The following COBL variants were observed in gnomAD, a reference collection of about 807,000 sequenced individuals.
The protein encoded by COBL is cordon-bleu WH2 repeat protein.
A neutral mutation model predicts 98.8 loss-of-function variants in COBL; 51 were observed. That is an observed-to-expected ratio of 0.52 (90% confidence interval 0.41 to 0.65). COBL has a LOEUF of 0.65. Ranked by LOEUF, COBL falls within the 30% of genes least tolerant of loss-of-function variation. The probability of loss-of-function intolerance (pLI) is 0.00; values close to 1 mark genes in which losing one functional copy is unlikely to be tolerated. For missense variants in COBL, 1,617 were observed against 1,617.5 expected, an observed-to-expected ratio of 1.00 and a Z score of 0.01; for synonymous variants, 634 against 651.7, an observed-to-expected ratio of 0.97 and a Z score of 0.41.
chr7:51,026,414 C>A, intron 11 of COBL, 132 bp downstream of exon 11: 7 of 1,239,738 alleles, frequency 5.6e-6, no homozygotes, highest in Non-Finnish European at 7.7e-6. Flanking sequence ...GCTGGGATGG[C>A]CACTCTAAAG....
intron 6 of COBL, among the ~76,000 whole-genome samples, chr7:51,099,451 G>C (rs1481056151): frequency 6.6e-6 from 1 of 152,196 alleles, no homozygotes; most frequent in Non-Finnish European, 1.5e-5. Flanking sequence ...CTGTAACTTA[G>C]AGAAACTTTG....
At chr7:51,026,705 G>T in intron 10 of COBL, 40 bp from the exon 11 acceptor site, 1 of 1,599,862 alleles carries the variant, frequency 6.3e-7, no homozygotes. Context: ...CTGAGAACAT[G>T]GAGAAATGTG....
intron 1 of COBL, among the ~76,000 whole-genome samples, chr7:51,245,334 T>C (rs1157224056): frequency 1.3e-5 from 2 of 152,222 alleles, no homozygotes; most frequent in Non-Finnish European, 2.9e-5. Flanking sequence ...CATCTTCACT[T>C]TCTCCTCATC....
In COBL at chr7:51,033,536, T is replaced by C. The variant is rs1212578493; in HGVS notation, c.1407-2627A>G. 6 of 152,376 alleles carry C rather than the reference T, an allele frequency of 3.9e-5. No individual in the cohort carries two copies. The East Asian group carries it at 1.2e-3, about 29-fold the overall frequency. The allele number at this position is 152,376 out of a possible 1,614,324, so 9.4% of individuals were successfully genotyped here. A position where few individuals can be genotyped will look rare whatever the true frequency, so the allele number is the denominator to read the frequency against. ...AGCACACACATATATAGAAACACTGTGATGATTTAAAAATAGCAAATACCT... is the reference window on the plus strand; with the variant it reads ...AGCACACACATATATAGAAACACTGCGATGATTTAAAAATAGCAAATACCT... On this transcript the variant is annotated intron_variant, in intron 8 of 12. Transcript: ENST00000265136.
At chr7:51,192,202 G>A (rs1369686627) in intron 3 of COBL, among the ~76,000 whole-genome samples, 1 of 152,236 alleles carries the variant, frequency 6.6e-6, no homozygotes, top group Non-Finnish European at 1.5e-5. Context: ...GGAGATTAAT[G>A]TTGGCTGCAT....
chr7:51,028,950 C>CT lies in COBL; in HGVS notation c.2145dup (p.Glu716ArgfsTer17). ...ACATCTCTGTCGTAACATCGCATCT[C>CT]TGACTTTGGAGGAATGATTTTATAC... On this transcript the variant is annotated frameshift_variant, in exon 10 of 13. Coordinates refer to ENST00000265136, the MANE Select transcript of COBL (RefSeq NM_015198.5). LOFTEE classifies it high-confidence loss of function. The CT allele has an allele frequency of 6.2e-7, 1 of 1,614,194 alleles. No homozygotes were observed. Among genetic ancestry groups the CT allele is most frequent in the Non-Finnish European group, 8.5e-7 (1 of 1,180,054 alleles).
intron 1 of COBL, among the ~76,000 whole-genome samples, chr7:51,302,828 T>A (rs4948215): frequency 0.045 from 6,778 of 152,192 alleles, 322 homozygotes; most frequent in African/African-American, 0.11. Context: ...TGATAATAAA[T>A]TACCATTTTT....
At chr7:51,159,606 T>TTCAAA (rs1786575074) in intron 5 of COBL, among the ~76,000 whole-genome samples, 1 of 152,300 alleles carries the variant, frequency 6.6e-6, no homozygotes, top group East Asian at 1.9e-4. Context: ...TAGGGGAACA[T>TTCAAA]ACGGAAAACC....
chr7:51,089,900 G>A (rs1240844369), intron 6 of COBL, among the ~76,000 whole-genome samples: 1 of 151,232 alleles, frequency 6.6e-6, no homozygotes, highest in African/African-American at 2.4e-5. Context: ...ATTTTTTAAT[G>A]GCTGCCTAGT....
At chr7:51,284,958 T>C (rs1464395014) in intron 1 of COBL, among the ~76,000 whole-genome samples, 3 of 151,820 alleles carry the variant, frequency 2.0e-5, no homozygotes, top group African/African-American at 7.2e-5. Flanking sequence ...ACTTTTTTTT[T>C]TTTTTTTGAG....
At chr7:51,067,505 G>A (rs557700874) in intron 7 of COBL, among the ~76,000 whole-genome samples, 23 of 152,336 alleles carry the variant, frequency 1.5e-4, no homozygotes, top group Admixed American at 1.2e-3. Flanking sequence ...AGATATGCAT[G>A]CACCATGGGT....
intron 1 of COBL, among the ~76,000 whole-genome samples, chr7:51,231,356 G>A (rs1158087004): frequency 6.6e-6 from 1 of 152,170 alleles, no homozygotes; most frequent in Non-Finnish European, 1.5e-5. Flanking sequence ...TGGCCAGCAG[G>A]TCTGTCTAGT....
chr7:51,017,077 T>C lies in COBL; in HGVS notation c.*474A>G, dbSNP rs1786349396. ...CTTACTACCAAAACACACAGCATCA[T>C]GGAGCATATCACATTCAGATTGTTC... On this transcript the variant is annotated 3_prime_UTR_variant, in exon 13 of 13. Transcript: ENST00000265136. 2.4e-6 allele frequency: 1 copy of C among 411,640 alleles called. No individual in the cohort carries two copies. The highest frequency in any genetic ancestry group is 3.5e-5 in the East Asian group (1 of 28,546). 25.5% of individuals were successfully genotyped at this position (411,640 alleles called of 1,614,324 possible).
At chr7:51,148,714 C>T (rs984301944) in intron 5 of COBL, among the ~76,000 whole-genome samples, 3 of 152,152 alleles carry the variant, frequency 2.0e-5, no homozygotes, top group African/African-American at 7.2e-5. Flanking sequence ...CTGACCTCAC[C>T]TGTCTGAGAT....
chr7:51,097,438 A>G (rs990157737), intron 6 of COBL, among the ~76,000 whole-genome samples: 2 of 152,188 alleles, frequency 1.3e-5, no homozygotes, highest in Non-Finnish European at 2.9e-5. Context: ...TAGTGTTGGG[A>G]GTCCTAGCCA....
intron 7 of COBL, among the ~76,000 whole-genome samples, chr7:51,084,299 G>T (rs563914709): frequency 3.3e-5 from 5 of 152,058 alleles, no homozygotes; most frequent in South Asian, 2.1e-4. Flanking sequence ...GGCAAAACGC[G>T]GGGCTGCCTG....
At chr7:51,205,550 T>G (rs1331945115) in intron 2 of COBL, among the ~76,000 whole-genome samples, 1 of 151,420 alleles carries the variant, frequency 6.6e-6, no homozygotes, top group Non-Finnish European at 1.5e-5. Context: ...ATATAAGATT[T>G]GAAGCCATAA....
At chr7:51,203,403 A>G (rs1200333547) in intron 2 of COBL, among the ~76,000 whole-genome samples, 2 of 107,218 alleles carry the variant, frequency 1.9e-5, no homozygotes. Flanking sequence ...CGGAGCTTGC[A>G]GTGAGCCGAG....
chr7:51,222,687 T>A (rs563975677), intron 1 of COBL, among the ~76,000 whole-genome samples: 6 of 151,974 alleles, frequency 3.9e-5, no homozygotes, highest in African/African-American at 1.2e-4. Flanking sequence ...CTCGGAGACA[T>A]TAGCATTACC....
Sources: allele counts gnomAD v4.1 joint callset (sites outside exome capture counted in the v4.1 genomes callset), GRCh38; gene constraint gnomAD v4.1.1; transcripts MANE v1.5; gene names NCBI Gene and HGNC (gene_info 2026-07-23, HGNC 2026-07-21).